Variants in RGPD4 observed in about 807,000 individuals in gnomAD.
RGPD4 encodes the protein ranBP2-like and GRIP domain-containing protein 4.
RGPD4 carries 84 observed loss-of-function variants against 141.1 expected under a neutral mutation model. That is an observed-to-expected ratio of 0.60 (90% CI 0.50 to 0.71). The LOEUF is 0.71. Ranked by LOEUF, RGPD4 falls within the 30% of genes least tolerant of loss-of-function variation. The pLI is 0.00. For missense variants in RGPD4, 918 were observed against 1,622.4 expected (o/e 0.57, Z 7.46); for synonymous variants, 298 against 566.8 (o/e 0.53, Z 6.74).
intron 20 of RGPD4, among the ~76,000 whole-genome samples, chr2:107,878,276 A>T (rs1385826917): frequency 2.0e-5 from 3 of 151,644 alleles, no homozygotes; most frequent in South Asian, 2.1e-4. Flanking sequence ...CTTAACCTTT[A>T]AAAAAAATCT....
In RGPD4 at chr2:107,826,993, G is replaced by A. The variant is rs201201755; in HGVS notation, c.-21G>A. ...GCTGAGCGCTGGTTTCACGCGTCTC[G>A]GGAGCCAGGTTGGTGGCGCGATGAG... is the stretch of plus-strand genomic sequence containing the variant. On this transcript the variant is annotated 5_prime_UTR_variant, in exon 1 of 23. Coordinates refer to ENST00000408999, the MANE Select transcript of RGPD4 (RefSeq NM_182588.3). 12 of 1,592,186 alleles carry A rather than the reference G, an allele frequency of 7.5e-6. No homozygotes were observed. Among genetic ancestry groups the A allele is most frequent in the East Asian group, 2.3e-5 (1 of 43,898 alleles).
At chr2:107,828,595 C>T (rs1478170489) in intron 1 of RGPD4, among the ~76,000 whole-genome samples, 5 of 121,928 alleles carry the variant, frequency 4.1e-5, no homozygotes, top group Non-Finnish European at 6.8e-5. Flanking sequence ...CGGCCTCGAC[C>T]TGGCCGGGCG....
chr2:107,854,031 G>A (rs1682209236), intron 7 of RGPD4, among the ~76,000 whole-genome samples: 1 of 147,760 alleles, frequency 6.8e-6, no homozygotes, highest in African/African-American at 2.5e-5. Flanking sequence ...TTACAGGTGT[G>A]AGCCAACATG....
chr2:107,830,006 G>T (rs1681421340), intron 1 of RGPD4, among the ~76,000 whole-genome samples: 2 of 152,096 alleles, frequency 1.3e-5, no homozygotes, highest in Admixed American at 1.3e-4. Flanking sequence ...AGGCATCTCA[G>T]CGCGGACATT....
chr2:107,880,474 AGG>A (rs953390085), intron 21 of RGPD4, among the ~76,000 whole-genome samples: 7 of 151,642 alleles, frequency 4.6e-5, no homozygotes, highest in Non-Finnish European at 1.0e-4. Flanking sequence ...CATGTTATCC[AGG>A]ATGGTCTCGA....
intron 22 of RGPD4, among the ~76,000 whole-genome samples, chr2:107,887,476 TG>T (rs1183048457): frequency 6.6e-6 from 1 of 151,850 alleles, no homozygotes; most frequent in Non-Finnish European, 1.5e-5. Context: ...TCTGTGGGTT[TG>T]GGTGTATTTG....
intron 6 of RGPD4, among the ~76,000 whole-genome samples, chr2:107,844,469 C>T (rs1681845398): frequency 1.3e-5 from 2 of 152,220 alleles, no homozygotes; most frequent in Admixed American, 1.3e-4. Flanking sequence ...CCTGTAAAGC[C>T]AGATTAGTAA....
chr2:107,878,145 T>C (rs1423264673), intron 20 of RGPD4, among the ~76,000 whole-genome samples: 1 of 151,084 alleles, frequency 6.6e-6, no homozygotes, highest in Non-Finnish European at 1.5e-5. Flanking sequence ...GTTTTAGCAA[T>C]TCCTCATACA....
intron 22 of RGPD4, among the ~76,000 whole-genome samples, chr2:107,887,058 C>T (rs1426566549): frequency 1.4e-5 from 2 of 147,950 alleles, no homozygotes; most frequent in East Asian, 1.9e-4. Context: ...GCCTGGGCAA[C>T]ATGGCGAGAC....
At chr2:107,878,668 A>G (rs3868860) in intron 20 of RGPD4, among the ~76,000 whole-genome samples, 6 of 113,646 alleles carry the variant, frequency 5.3e-5, no homozygotes, top group Admixed American at 9.8e-5. Flanking sequence ...TGGATGGATG[A>G]GATGGATGGA....
At chr2:107,889,253 A>C (rs1471602118) in intron 22 of RGPD4, among the ~76,000 whole-genome samples, 13 of 102,916 alleles carry the variant, frequency 1.3e-4, no homozygotes, top group African/African-American at 2.4e-4. Context: ...AAACCAGTGA[A>C]TTATGCACTT....
At position 107,847,153 on chromosome 2, in the gene RGPD4, A is replaced by G. The variant is rs1026382218; in HGVS notation, c.783-1188A>G. Among the ~76,000 whole-genome samples the G allele has an allele frequency of 3.9e-4, 55 of 141,168 alleles. 5 individuals are homozygous for G. The highest frequency in any genetic ancestry group is 1.4e-3 in the African/African-American group (53 of 36,860). 92.6% of individuals were successfully genotyped at this position (141,168 alleles called of 152,430 possible). A position where few individuals can be genotyped will look rare whatever the true frequency, so the allele number is the denominator to read the frequency against. ...GCTGCTCGGGAGGCTGAGGCGGAAG[A>G]ATCGCTTGAACCTGGGAGTCAGAGG... On this transcript the variant is annotated intron_variant, in intron 6 of 22. Coordinates refer to ENST00000408999, the MANE Select transcript of RGPD4 (RefSeq NM_182588.3).
At chr2:107,831,005 C>G (rs1681464559) in intron 1 of RGPD4, among the ~76,000 whole-genome samples, 1 of 151,620 alleles carries the variant, frequency 6.6e-6, no homozygotes, top group Non-Finnish European at 1.5e-5. Context: ...TGGTGAAAAT[C>G]CATCTCTATT....
chr2:107,867,498 T>A (rs1248723857), intron 18 of RGPD4, among the ~76,000 whole-genome samples: 2 of 138,214 alleles, frequency 1.4e-5, no homozygotes, highest in Admixed American at 1.5e-4. Flanking sequence ...CTTGTTTTCT[T>A]AAAACCTTAC....
intron 9 of RGPD4, among the ~76,000 whole-genome samples, chr2:107,857,527 G>A (rs1305270002): frequency 6.6e-6 from 1 of 150,844 alleles, no homozygotes; most frequent in Non-Finnish European, 1.5e-5. Flanking sequence ...TGAACTTCTG[G>A]GCTCAAGGGA....
chr2:107,880,645 T>C (rs1432879640), intron 21 of RGPD4, among the ~76,000 whole-genome samples: 1 of 150,222 alleles, frequency 6.7e-6, no homozygotes, highest in Non-Finnish European at 1.5e-5. Flanking sequence ...ATTTAGAAAC[T>C]AGAGAGATGT....
At chr2:107,865,668 T>C (rs909918425) in intron 17 of RGPD4, among the ~76,000 whole-genome samples, 5 of 152,056 alleles carry the variant, frequency 3.3e-5, no homozygotes, top group African/African-American at 1.2e-4. Context: ...AATTAAGTTT[T>C]GTATTAACGA....
At chr2:107,865,244 T>C (rs1388388653) in intron 17 of RGPD4, among the ~76,000 whole-genome samples, 2 of 152,290 alleles carry the variant, frequency 1.3e-5, no homozygotes, top group East Asian at 3.8e-4. Flanking sequence ...ACAGTGTAGA[T>C]AGTATAAAAA....
At chr2:107,851,352 G>A (rs1381104057) in intron 7 of RGPD4, among the ~76,000 whole-genome samples, 1 of 53,690 alleles carries the variant, frequency 1.9e-5, no homozygotes, top group Non-Finnish European at 3.6e-5. Context: ...CTGGCTTCAA[G>A]TGATCCTTCT....
Sources: allele counts gnomAD v4.1 joint callset (sites outside exome capture counted in the v4.1 genomes callset), GRCh38; gene constraint gnomAD v4.1.1; transcripts MANE v1.5; gene names NCBI Gene and HGNC (gene_info 2026-07-23, HGNC 2026-07-21).